The following GALNTL6 variants were observed in gnomAD, a reference collection of about 807,000 sequenced individuals.
GALNTL6 encodes polypeptide N-acetylgalactosaminyltransferase like 6.
GALNTL6 carries 46 observed loss-of-function variants against 73.7 expected under a neutral mutation model. The ratio of observed to expected loss-of-function variants is 0.62; its 90% confidence interval spans 0.49 to 0.80. The LOEUF (loss-of-function observed/expected upper bound fraction) is 0.80. GALNTL6 is among the 30% of genes least tolerant of loss of function. The pLI is 0.00. For synonymous variants in GALNTL6, 259 were observed against 263.7 expected, an observed-to-expected ratio of 0.98 and a Z score of 0.17; for missense variants, 604 against 755.0, an observed-to-expected ratio of 0.80 and a Z score of 2.34.
chr4:172,748,755 A>AT (rs1737255508), intron 5 of GALNTL6, among the ~76,000 whole-genome samples: 1 of 152,188 alleles, frequency 6.6e-6, no homozygotes, highest in Non-Finnish European at 1.5e-5. Flanking sequence ...AAAAGAGAGG[A>AT]TTTTAAATGT....
chr4:172,399,731 A>G (rs1743972818), intron 5 of GALNTL6, among the ~76,000 whole-genome samples: 1 of 152,146 alleles, frequency 6.6e-6, no homozygotes, highest in South Asian at 2.1e-4. Flanking sequence ...GCAGAAAAAT[A>G]AAACTTTTTA....
chr4:172,008,753 T>C (rs1740910578), intron 2 of GALNTL6, among the ~76,000 whole-genome samples: 1 of 152,106 alleles, frequency 6.6e-6, no homozygotes, highest in South Asian at 2.1e-4. Flanking sequence ...CCTCCTAGTT[T>C]TTCCATCTAT....
At chr4:172,983,476 T>C (rs887085856) in intron 10 of GALNTL6, among the ~76,000 whole-genome samples, 1 of 152,114 alleles carries the variant, frequency 6.6e-6, no homozygotes, top group African/African-American at 2.4e-5. Flanking sequence ...AGGCAGATCA[T>C]TTGAGGTCAG....
chr4:172,920,716 C>T (rs568369161), intron 8 of GALNTL6, among the ~76,000 whole-genome samples: 1 of 152,186 alleles, frequency 6.6e-6, no homozygotes, highest in African/African-American at 2.4e-5. Context: ...GTATTATGAT[C>T]GTAGCTGTTA....
At chr4:172,023,183 C>G (rs1441774494) in intron 2 of GALNTL6, among the ~76,000 whole-genome samples, 1 of 151,824 alleles carries the variant, frequency 6.6e-6, no homozygotes, top group Admixed American at 6.6e-5. Context: ...ATGAAAAGAG[C>G]AGTTAAATTT....
intron 2 of GALNTL6, among the ~76,000 whole-genome samples, chr4:171,858,515 A>C (rs1282457754): frequency 6.7e-6 from 1 of 150,342 alleles, no homozygotes; most frequent in Non-Finnish European, 1.5e-5. Context: ...TAATATCCAC[A>C]CTTTTCAGGT....
At chr4:172,117,488 G>T (rs185602858) in intron 2 of GALNTL6, among the ~76,000 whole-genome samples, 88 of 152,242 alleles carry the variant, frequency 5.8e-4, no homozygotes, top group Non-Finnish European at 4.6e-4. Context: ...ATGATGATGA[G>T]AAGTCTCAGG....
At chr4:172,411,333 C>T (rs539639978) in intron 5 of GALNTL6, among the ~76,000 whole-genome samples, 8 of 152,098 alleles carry the variant, frequency 5.3e-5, no homozygotes, top group South Asian at 4.1e-4. Context: ...TTGGTGATGT[C>T]GTAAGCCACT....
intron 8 of GALNTL6, among the ~76,000 whole-genome samples, chr4:172,929,094 G>C (rs1038742254): frequency 2.6e-4 from 40 of 152,166 alleles, no homozygotes; most frequent in African/African-American, 8.9e-4. Flanking sequence ...AGTTTAGACT[G>C]TCCACTGCCC....
Position 172,045,789 on chromosome 4 carries a change from C to T in GALNTL6, c.139-183867C>T, listed in dbSNP as rs149820901. ...AAAAAAAAAAAAGAAAAAAGAAAAA[C>T]TAAACAAATTCCTCCCATGTAACTG... On this transcript the variant is annotated intron_variant, in intron 2 of 12. Transcript: ENST00000506823. 4.3e-3 allele frequency among the ~76,000 whole-genome samples: 652 copies of T among 151,226 alleles called. 3 individuals carry two copies. The highest frequency in any genetic ancestry group is 0.015 in the African/African-American group (618 of 41,318).
chr4:172,705,479 G>T (rs1734293650), intron 5 of GALNTL6, among the ~76,000 whole-genome samples: 1 of 150,240 alleles, frequency 6.7e-6, no homozygotes, highest in Admixed American at 6.6e-5. Flanking sequence ...CTACACTTTA[G>T]CTCTATTCCT....
intron 2 of GALNTL6, among the ~76,000 whole-genome samples, chr4:172,093,056 T>A (rs1183179030): frequency 1.3e-5 from 2 of 151,822 alleles, no homozygotes; most frequent in Non-Finnish European, 2.9e-5. Context: ...TGTATTTGTG[T>A]AAAGATGGGG....
chr4:172,211,191 A>G (rs566867655), intron 2 of GALNTL6, among the ~76,000 whole-genome samples: 2 of 152,324 alleles, frequency 1.3e-5, no homozygotes, highest in Admixed American at 6.5e-5. Context: ...GTTCAGTCAT[A>G]TAATCAACCA....
intron 2 of GALNTL6, among the ~76,000 whole-genome samples, chr4:172,075,322 G>T (rs1259344437): frequency 6.6e-6 from 1 of 151,972 alleles, no homozygotes; most frequent in Non-Finnish European, 1.5e-5. Flanking sequence ...AGCCCAACAG[G>T]TATCTTTTTG....
chr4:172,935,217 T>C (rs1748547794), intron 9 of GALNTL6, among the ~76,000 whole-genome samples: 1 of 152,142 alleles, frequency 6.6e-6, no homozygotes, highest in African/African-American at 2.4e-5. Flanking sequence ...ACAGCCACCC[T>C]CGCCAATACA....
chr4:172,844,907 GGAAAAATAAAA>G (rs1427224394), intron 7 of GALNTL6, among the ~76,000 whole-genome samples: 1 of 152,020 alleles, frequency 6.6e-6, no homozygotes. Flanking sequence ...AAAATATGAA[GGAAAAATAAAA>G]TAAAAATAAG....
chr4:172,278,205 CTTAT>C (rs1738902381), intron 3 of GALNTL6, among the ~76,000 whole-genome samples: 2 of 151,986 alleles, frequency 1.3e-5, no homozygotes, highest in Non-Finnish European at 1.5e-5. Flanking sequence ...CATTATTGTA[CTTAT>C]TTAAGTTTTT....
chr4:172,774,389 TTAA>T (rs1323945786), intron 5 of GALNTL6, among the ~76,000 whole-genome samples: 1 of 152,176 alleles, frequency 6.6e-6, no homozygotes, highest in Admixed American at 6.5e-5. Flanking sequence ...TTAGATTTAG[TTAA>T]TAATGAGCTG....
intron 2 of GALNTL6, among the ~76,000 whole-genome samples, chr4:171,983,180 G>A (rs765460817): frequency 6.6e-6 from 1 of 152,066 alleles, no homozygotes; most frequent in African/African-American, 2.4e-5. Context: ...TTTGGTGTAC[G>A]GTGTACAAAT....
Sources: allele counts gnomAD v4.1 joint callset (sites outside exome capture counted in the v4.1 genomes callset), GRCh38; gene constraint gnomAD v4.1.1; transcripts MANE v1.5; gene names NCBI Gene and HGNC (gene_info 2026-07-23, HGNC 2026-07-21).